The following ZNF587B variants were observed in gnomAD, a reference collection of about 807,000 sequenced individuals.
ZNF587B encodes the protein zinc finger protein 587B.
ZNF587B carries 6 observed loss-of-function variants against 7.2 expected under a neutral mutation model. That is an observed-to-expected ratio of 0.83 (90% CI 0.46 to 1.65). The LOEUF (loss-of-function observed/expected upper bound fraction) is 1.65, where lower values mean the gene tolerates loss of function less well. ZNF587B is among the 40% of genes most tolerant of loss of function. The pLI is 0.01. For synonymous variants in ZNF587B, 274 were observed against 254.3 expected (o/e 1.08, Z -0.74); for missense variants, 749 against 761.0 (o/e 0.98, Z 0.19).
In ZNF587B at chr19:57,844,220, G is replaced by A. The variant is rs1196466618; in HGVS notation, c.*1644G>A. 2.3e-6 allele frequency: 1 copy of A among 436,514 alleles called. No homozygotes were observed. The highest frequency in any genetic ancestry group is 2.1e-5 in the African/African-American group (1 of 48,336). 27.0% of individuals were successfully genotyped at this position (436,514 alleles called of 1,614,324 possible). ...TGACTTGAAAAGATGGACTATTTTG[G>A]CTAAGCATGGTGGCTCATGCCTGTA... On this transcript the variant is annotated 3_prime_UTR_variant, in exon 3 of 3. Transcript: ENST00000594901.
At position 57,841,080 on chromosome 19, in the gene ZNF587B, C is replaced by G. The variant is rs759177165; in HGVS notation, c.406C>G (p.His136Asp). ...GNKLYDSGNF[H>D]QHQNEHIGEK... ...TAAATTGTATGACAGTGGAAACTTT[C>G]ATCAGCACCAGAATGAGCACATTGG... The change falls in exon 3 of 3, where the codon CAT (histidine) becomes GAT (aspartate). Residue 136 changes from histidine (H) to aspartate (D), a missense_variant. This residue lies in a region of ZNF587B where 656 missense variants were observed against 596.5 expected (regional missense o/e 1.10). Coordinates refer to ENST00000594901, the MANE Select transcript of ZNF587B (RefSeq NM_001376223.1). 16 of 1,613,912 alleles carry G rather than the reference C, an allele frequency of 9.9e-6. No individual in the cohort carries two copies. In the South Asian group the frequency reaches 1.6e-4, roughly 17 times the overall value.
chr19:57,846,151 C>A lies in ZNF587B; in HGVS notation c.*3575C>A, dbSNP rs1448621824. 1 of 152,150 alleles carries A rather than the reference C, an allele frequency of 6.6e-6. No homozygotes were observed. Among genetic ancestry groups the A allele is most frequent in the East Asian group, 1.9e-4 (1 of 5,194 alleles). The allele number at this position is 152,150 out of a possible 1,614,324, so 9.4% of individuals were successfully genotyped here. On this transcript the variant is annotated 3_prime_UTR_variant, in exon 3 of 3. Coordinates refer to ENST00000594901, the MANE Select transcript of ZNF587B (RefSeq NM_001376223.1). ...AAAGTTTTTCTCTCTGCTCTTCAAA[C>A]AACCATTGATTTACTTTGCTGTATG...
chr19:57,840,548 G>A (rs1482431258), intron 2 of ZNF587B, among the ~76,000 whole-genome samples: 1 of 152,164 alleles, frequency 6.6e-6, no homozygotes, highest in Non-Finnish European at 1.5e-5. Context: ...CATGTCATGA[G>A]GACATAAATT....
Position 57,844,028 on chromosome 19 carries a change from G to A in ZNF587B, c.*1452G>A, listed in dbSNP as rs776094532. Among the ~76,000 whole-genome samples the A allele has an allele frequency of 3.9e-5, 6 of 152,154 alleles. No homozygotes were observed. The highest frequency in any genetic ancestry group is 3.9e-4 in the East Asian group (2 of 5,190). ...TTCCCAGAATGTTGGGATTATAGGC[G>A]TGGCATAAGTCACCATGCTGGGACT... On this transcript the variant is annotated 3_prime_UTR_variant, in exon 3 of 3. Transcript: ENST00000594901.
Position 57,841,821 on chromosome 19 carries a change from A to C in ZNF587B, c.1147A>C (p.Lys383Gln). 6.2e-7 allele frequency: 1 copy of C among 1,611,786 alleles called. No individual in the cohort carries two copies. ...CATTCACACTGAAGTAAGACCTTAC[A>C]AGTGTGGAGAATGTGGGAAATCTTA... ...QRIHTEVRPY[K>Q]CGECGKSYIS... is the part of the protein sequence containing the mutation. The change falls in exon 3 of 3, where the codon AAG becomes CAG. Residue 383 changes from lysine (K) to glutamine (Q), a missense_variant. Lys to Gln is a moderately conservative substitution (Grantham distance 53). Around this residue, in one of 3 missense-constraint regions of ZNF587B, gnomAD observed 656 missense variants for 596.5 expected, o/e 1.10. Transcript: ENST00000594901.
chr19:57,836,960 TAAAAA>T (rs71188052), intron 1 of ZNF587B, among the ~76,000 whole-genome samples: 6 of 106,246 alleles, frequency 5.6e-5, no homozygotes, highest in Admixed American at 1.0e-4. Context: ...GACTCCGTCA[TAAAAA>T]AAAAAAAAAA....
intron 1 of ZNF587B, among the ~76,000 whole-genome samples, chr19:57,838,732 A>AG (rs748735588): frequency 2.6e-5 from 4 of 152,306 alleles, no homozygotes; most frequent in Admixed American, 6.5e-5. Context: ...GCGTTCAGAG[A>AG]GGGTATCTCT....
chr19:57,837,471 T>C (rs1988664770), intron 1 of ZNF587B, among the ~76,000 whole-genome samples: 2 of 149,950 alleles, frequency 1.3e-5, no homozygotes, highest in South Asian at 4.2e-4. Flanking sequence ...TTGTTTGAGA[T>C]GGAGTCTCGC....
rs8102227 is a variant in ZNF587B, at chr19:57,843,591, T to G, written c.*1015T>G. 5.9e-5 allele frequency: 49 copies of G among 830,550 alleles called. No homozygotes were observed. In the East Asian group the frequency reaches 8.0e-4, roughly 14 times the overall value. The allele number at this position is 830,550 out of a possible 1,614,324, so 51.4% of individuals were successfully genotyped here. A position where few individuals can be genotyped will look rare whatever the true frequency, so the allele number is the denominator to read the frequency against. On this transcript the variant is annotated 3_prime_UTR_variant, in exon 3 of 3. Transcript: ENST00000594901. The stretch of plus-strand genomic sequence containing the variant: ...GGTTGGTTGGTTGGTTGGTTGGTTG[T>G]TTTTTTTTGTTTTTTTTTTTTTTTT...
At chr19:57,836,458 C>G (rs1988606822) in intron 1 of ZNF587B, among the ~76,000 whole-genome samples, 1 of 152,156 alleles carries the variant, frequency 6.6e-6, no homozygotes, top group South Asian at 2.1e-4. Context: ...TTGGTATGAC[C>G]ACAAATGGCT....
At position 57,843,587 on chromosome 19, in the gene ZNF587B, GTTGTT is replaced by G. The variant is rs1988948439; in HGVS notation, c.*1014_*1018del. 5.3e-6 allele frequency: 4 copies of G among 757,974 alleles called. No individual in the cohort carries two copies. The highest frequency in any genetic ancestry group is 6.0e-5 in the South Asian group (1 of 16,572). 47.0% of individuals were successfully genotyped at this position (757,974 alleles called of 1,614,324 possible). ...GTTTGGTTGGTTGGTTGGTTGGTTG[GTTGTT>G]TTTTTTTGTTTTTTTTTTTTTTTTT... On this transcript the variant is annotated 3_prime_UTR_variant, in exon 3 of 3. Transcript: ENST00000594901.
At chr19:57,831,676 G>A (rs1447079051) in intron 1 of ZNF587B, among the ~76,000 whole-genome samples, 1 of 150,862 alleles carries the variant, frequency 6.6e-6, no homozygotes, top group Non-Finnish European at 1.5e-5. Flanking sequence ...TTACAGGCGC[G>A]AGCCACCGAG....
intron 1 of ZNF587B, among the ~76,000 whole-genome samples, chr19:57,832,719 C>T (rs1341575760): frequency 1.3e-5 from 2 of 152,270 alleles, no homozygotes; most frequent in African/African-American, 2.4e-5. Context: ...TTTGAAAGGA[C>T]CCGGGTGTTG....
intron 2 of ZNF587B, 107 bp downstream of exon 2, chr19:57,839,256 C>T (rs1988748748): frequency 3.3e-6 from 5 of 1,519,992 alleles, no homozygotes; most frequent in Non-Finnish European, 3.5e-6. Context: ...CAGCTTCCTG[C>T]TTCAGTTCTA....
intron 1 of ZNF587B, among the ~76,000 whole-genome samples, chr19:57,832,838 G>T (rs201058643): frequency 0.038 from 5,716 of 150,550 alleles, 156 homozygotes; most frequent in African/African-American, 0.088. Context: ...AGATCTGAAA[G>T]ATTTCCCTTG....
chr19:57,836,586 G>GGA (rs1988615964), intron 1 of ZNF587B, among the ~76,000 whole-genome samples: 3 of 152,058 alleles, frequency 2.0e-5, no homozygotes, highest in African/African-American at 7.2e-5. Context: ...GAACTCCTAC[G>GGA]ATCAAGCAGT....
intron 1 of ZNF587B, among the ~76,000 whole-genome samples, chr19:57,830,961 A>G (rs1398721441): frequency 6.6e-6 from 1 of 152,136 alleles, no homozygotes; most frequent in Non-Finnish European, 1.5e-5. Context: ...AGTAGGCAAG[A>G]AAAGTTAAAA....
In ZNF587B at chr19:57,842,308, C is replaced by G; in HGVS notation, c.1634C>G (p.Thr545Ser). 6.2e-7 allele frequency: 1 copy of G among 1,611,472 alleles called. No homozygotes were observed. Among genetic ancestry groups the G allele is most frequent in the Non-Finnish European group, 8.5e-7 (1 of 1,178,726 alleles). ...CAFIVHKRVH[T>S]GQKPYECSEC... ...TTCATTGTTCATAAGAGAGTTCACA[C>G]TGGTCAGAAGCCTTATGAGTGCAGT... The change falls in exon 3 of 3, where the codon ACT becomes AGT. Residue 545 changes from threonine to serine, a missense_variant. By Grantham distance (58) the Thr-to-Ser change is moderately conservative. Transcript: ENST00000594901.
rs1334830669 is a variant in ZNF587B at position 57,837,392 on chromosome 19, G to T, written c.37-1631G>T. ...CTGCCTCAACCTCCTGAGTAGCTGG[G>T]ATCACAGGTGCCCACCACCACGCTC... is the stretch of plus-strand genomic sequence containing the variant. On this transcript the variant is annotated intron_variant, in intron 1 of 2. Transcript: ENST00000594901. Among the ~76,000 whole-genome samples the T allele has an allele frequency of 2.0e-5, 3 of 148,694 alleles. No individual in the cohort carries two copies. The East Asian group carries it at 5.8e-4, about 29-fold the overall frequency.
Sources: allele counts gnomAD v4.1 joint callset (sites outside exome capture counted in the v4.1 genomes callset), GRCh38; gene constraint gnomAD v4.1.1; regional missense constraint gnomAD v4.1.1; transcripts MANE v1.5; gene names NCBI Gene and HGNC (gene_info 2026-07-23, HGNC 2026-07-21).